HIVEP2: variants seen among roughly 807,000 people sequenced by gnomAD.
HIVEP2 encodes HIVEP zinc finger 2.
In HIVEP2, 14 loss-of-function variants were observed where a neutral mutation model predicts 180.7. The observed-to-expected ratio is 0.08, with a 90% CI of 0.05 to 0.12. HIVEP2 has a LOEUF of 0.12. Among genes scored for constraint, HIVEP2 ranks in the 10% least tolerant of loss-of-function variants. HIVEP2 has a pLI of 1.00. For synonymous variants in HIVEP2, 1,184 were observed against 1,136.4 expected (o/e 1.04, Z -0.84); for missense variants, 2,579 against 3,008.5 (o/e 0.86, Z 3.34).
In HIVEP2 at chr6:142,753,582, G is replaced by C. The variant is rs1774983260; in HGVS notation, c.6866C>G (p.Ala2289Gly). 1.2e-6 allele frequency: 2 copies of C among 1,614,200 alleles called. No individual in the cohort carries two copies. Among genetic ancestry groups the C allele is most frequent in the South Asian group, 2.2e-5 (2 of 91,086 alleles). Residue 2289 changes from alanine to glycine, a missense_variant, in exon 10 of 10, where the codon GCT becomes GGT. Ala to Gly is a moderately conservative substitution (Grantham distance 60). Coordinates refer to ENST00000367603, the MANE Select transcript of HIVEP2 (RefSeq NM_006734.4). ...GCTAGGTGGACCAGATGACTGCAAA[G>C]CGTGAGGACCTCGCTTCTCATGCTG... ...SKQHEKRGPH[A>G]LQSSGPPSTP... is the part of the protein sequence containing the mutation.
chr6:142,917,705 G>T (rs1562291841), intron 1 of HIVEP2, among the ~76,000 whole-genome samples: 1 of 152,006 alleles, frequency 6.6e-6, no homozygotes. Flanking sequence ...CTGAGTATTA[G>T]ACACAGAAAT....
chr6:142,782,888 AT>A (rs1354502473), intron 3 of HIVEP2, among the ~76,000 whole-genome samples: 2 of 152,174 alleles, frequency 1.3e-5, no homozygotes, highest in Non-Finnish European at 2.9e-5. Flanking sequence ...TTTTAAAATA[AT>A]TTTTTAAATT....
intron 1 of HIVEP2, among the ~76,000 whole-genome samples, chr6:142,920,182 A>G (rs550105135): frequency 6.6e-6 from 1 of 152,346 alleles, no homozygotes; most frequent in South Asian, 2.1e-4. Context: ...ATTTTGTGTA[A>G]CTGCTACATG....
chr6:142,759,135 C>T (rs1775154105), intron 9 of HIVEP2, among the ~76,000 whole-genome samples: 1 of 151,914 alleles, frequency 6.6e-6, no homozygotes, highest in African/African-American at 2.4e-5. Flanking sequence ...AACCCTGCCT[C>T]TACCAATAAA....
chr6:142,876,116 A>G (rs1479562156), intron 1 of HIVEP2, among the ~76,000 whole-genome samples: 1 of 152,160 alleles, frequency 6.6e-6, no homozygotes, highest in Non-Finnish European at 1.5e-5. Context: ...ATTTCATTAA[A>G]CAAGACAGAG....
chr6:142,932,244 C>T (rs1340399586), intron 1 of HIVEP2, among the ~76,000 whole-genome samples: 1 of 152,128 alleles, frequency 6.6e-6, no homozygotes, highest in Admixed American at 6.5e-5. Flanking sequence ...TTATACTCTA[C>T]TTCATATTCC....
chr6:142,799,527 A>G (rs747332906), intron 2 of HIVEP2, among the ~76,000 whole-genome samples: 1 of 152,172 alleles, frequency 6.6e-6, no homozygotes, highest in Non-Finnish European at 1.5e-5. Context: ...TATTCATATT[A>G]CTATTCATTG....
intron 1 of HIVEP2, among the ~76,000 whole-genome samples, chr6:142,840,604 C>T (rs1326679161): frequency 6.6e-6 from 1 of 151,924 alleles, no homozygotes; most frequent in Non-Finnish European, 1.5e-5. Flanking sequence ...ATGTTATTTC[C>T]ATGAAATTCA....
Position 142,753,437 on chromosome 6 carries a change from C to A in HIVEP2, c.7011G>T (p.Arg2337=), listed in dbSNP as rs554977010. 11 of 1,613,958 alleles carry A rather than the reference C, an allele frequency of 6.8e-6. No homozygotes were observed. In the East Asian group the frequency reaches 2.0e-4, roughly 29 times the overall value. ...GCAGAGCTGCCTCTTCCGTGGCAAT[C>A]CGGAGAGAGGCAATGGCTTTTGTAC... ...QTCTKAIASL[R]IATEEAALLG... Residue 2337 remains arginine, a synonymous_variant, in exon 10 of 10, where the codon CGG becomes CGT. Coordinates refer to ENST00000367603, the MANE Select transcript of HIVEP2 (RefSeq NM_006734.4).
intron 2 of HIVEP2, among the ~76,000 whole-genome samples, chr6:142,829,800 A>G (rs972568687): frequency 1.3e-5 from 2 of 152,322 alleles, no homozygotes; most frequent in Non-Finnish European, 1.5e-5. Flanking sequence ...GTGTCCTCAA[A>G]ATTTCCACTT....
chr6:142,834,844 A>G (rs1019620493), intron 2 of HIVEP2, among the ~76,000 whole-genome samples: 2 of 152,170 alleles, frequency 1.3e-5, no homozygotes, highest in African/African-American at 2.4e-5. Context: ...ATTGAAAAAA[A>G]AACCCTCATT....
intron 7 of HIVEP2, among the ~76,000 whole-genome samples, chr6:142,762,842 A>G (rs1208145729): frequency 6.6e-6 from 1 of 152,188 alleles, no homozygotes; most frequent in Non-Finnish European, 1.5e-5. Flanking sequence ...GCTGTTTTGA[A>G]TAATTCCAAA....
intron 1 of HIVEP2, among the ~76,000 whole-genome samples, chr6:142,935,099 T>TAA: frequency 6.6e-6 from 1 of 152,202 alleles, no homozygotes; most frequent in African/African-American, 2.4e-5. Context: ...AAAAAGGCCC[T>TAA]ATCTGTTCAC....
At chr6:142,903,793 G>A (rs982151096) in intron 1 of HIVEP2, among the ~76,000 whole-genome samples, 1 of 151,588 alleles carries the variant, frequency 6.6e-6, no homozygotes, top group Non-Finnish European at 1.5e-5. Flanking sequence ...TAGAGTCTAC[G>A]ATACTCATTT....
At chr6:142,852,646 C>A (rs1205366218) in intron 1 of HIVEP2, among the ~76,000 whole-genome samples, 1 of 152,172 alleles carries the variant, frequency 6.6e-6, no homozygotes, top group South Asian at 2.1e-4. Context: ...TCTCAGGACA[C>A]CCTGAACCCA....
chr6:142,793,669 T>TCTCTCTC (rs1562521389), intron 2 of HIVEP2, among the ~76,000 whole-genome samples: 2 of 97,212 alleles, frequency 2.1e-5, no homozygotes, highest in African/African-American at 8.9e-5. Flanking sequence ...TTTTCTTTCT[T>TCTCTCTC]TCTTTCTCTC....
chr6:142,924,429 G>A (rs982877205), intron 1 of HIVEP2, among the ~76,000 whole-genome samples: 13 of 152,094 alleles, frequency 8.5e-5, no homozygotes, highest in African/African-American at 3.1e-4. Context: ...GTAGTTCATT[G>A]GAAAAGGCAT....
chr6:142,769,635 C>T lies in HIVEP2; in HGVS notation c.5104G>A (p.Ala1702Thr). The T allele has an allele frequency of 2.5e-6, 4 of 1,614,170 alleles. No homozygotes were observed. The highest frequency in any genetic ancestry group is 3.4e-6 in the Non-Finnish European group (4 of 1,180,034). The change falls in exon 5 of 10, where the codon GCA becomes ACA. Residue 1702 changes from alanine (A) to threonine (T), a missense_variant. This residue lies in a region of HIVEP2 where 349 missense variants were observed against 367.2 expected (regional missense o/e 0.95). Coordinates refer to ENST00000367603, the MANE Select transcript of HIVEP2 (RefSeq NM_006734.4). ...ATAGCAGCCAGAGTATAAATTTCTG[C>T]AGTGATTTTTTGCTTGGACCTCAGA... ...ALLRSKQKIT[A>T]EIYTLAAMHR... is the part of the protein sequence containing the mutation.
At chr6:142,813,791 C>T (rs753386554) in intron 2 of HIVEP2, among the ~76,000 whole-genome samples, 8 of 151,758 alleles carry the variant, frequency 5.3e-5, no homozygotes, top group Non-Finnish European at 1.2e-4. Flanking sequence ...GGTCTCGACT[C>T]CTGGACTCAA....
Sources: gnomAD v4.1 joint callset for allele counts (sites outside exome capture counted in the v4.1 genomes callset) on GRCh38, gnomAD v4.1.1 for gene constraint, gnomAD v4.1.1 regional missense constraint, MANE v1.5 for transcripts, NCBI Gene and HGNC (gene_info 2026-07-23, HGNC 2026-07-21) for gene names.